GNB4: variants seen among roughly 807,000 people sequenced by gnomAD.
GNB4 encodes guanine nucleotide-binding protein subunit beta-4.
A neutral mutation model predicts 45.2 loss-of-function variants in GNB4; 28 were observed. That is an observed-to-expected ratio of 0.62 (90% CI 0.46 to 0.85). GNB4 has a LOEUF of 0.85. Ranked by LOEUF, GNB4 falls within the 40% of genes least tolerant of loss-of-function variation. The pLI is 0.00. For synonymous variants in GNB4, 132 were observed against 143.7 expected (o/e 0.92, Z 0.58); for missense variants, 321 against 425.4 (o/e 0.75, Z 2.16).
At chr3:179,426,395 T>C (rs1204049754) in intron 1 of GNB4, among the ~76,000 whole-genome samples, 153 bp from the exon 2 acceptor site, 9 of 152,086 alleles carry the variant, frequency 5.9e-5, no homozygotes, top group African/African-American at 1.2e-4. Flanking sequence ...TTAGTAAATA[T>C]AGAATGAGGT....
intron 2 of GNB4, among the ~76,000 whole-genome samples, chr3:179,423,406 T>C (rs897845675): frequency 6.6e-6 from 1 of 152,196 alleles, no homozygotes; most frequent in Non-Finnish European, 1.5e-5. Flanking sequence ...CTCTATGTGT[T>C]ATTTCACTTA....
intron 4 of GNB4, among the ~76,000 whole-genome samples, chr3:179,418,479 AAAAAAAAAAG>A (rs1264137541): frequency 2.1e-5 from 3 of 142,066 alleles, no homozygotes; most frequent in Non-Finnish European, 4.8e-5. Context: ...TCAAAAAAAA[AAAAAAAAAAG>A]AAAAAAGAAA....
At chr3:179,457,905 T>C in the GNB4 span, among the ~76,000 whole-genome samples, 6 of 89,746 alleles carry the variant, frequency 6.7e-5, no homozygotes, top group African/African-American at 1.5e-4. Context: ...ATTTTAGTTC[T>C]TTTTTTTTTT....
chr3:179,404,819 T>C (rs1385222705), intron 9 of GNB4, among the ~76,000 whole-genome samples: 2 of 152,204 alleles, frequency 1.3e-5, no homozygotes, highest in South Asian at 4.1e-4. Context: ...GACAGGTCTA[T>C]GTCCTGTCCC....
chr3:179,483,879 CA>C, the GNB4 span, among the ~76,000 whole-genome samples: 1 of 152,068 alleles, frequency 6.6e-6, no homozygotes, highest in Admixed American at 6.6e-5. Flanking sequence ...TAATTAAAGT[CA>C]AAATATTTGA....
the GNB4 span, among the ~76,000 whole-genome samples, chr3:179,525,027 C>A: frequency 4.3e-4 from 65 of 151,920 alleles, no homozygotes; most frequent in African/African-American, 1.4e-3. Context: ...TCAGATGGGT[C>A]TGTAGAAAAG....
chr3:179,446,820 G>A (rs1030898628), intron 1 of GNB4, among the ~76,000 whole-genome samples: 1 of 152,156 alleles, frequency 6.6e-6, no homozygotes, highest in Non-Finnish European at 1.5e-5. Context: ...TCTGGAAACC[G>A]TCTTCTCCAT....
At chr3:179,518,281 A>G in the GNB4 span, among the ~76,000 whole-genome samples, 2 of 152,180 alleles carry the variant, frequency 1.3e-5, no homozygotes, top group East Asian at 3.9e-4. Context: ...CCATGCTACA[A>G]GATCTAAATA....
At chr3:179,465,331 C>T in the GNB4 span, 60 of 1,222,426 alleles carry the variant, frequency 4.9e-5, no homozygotes, top group South Asian at 1.7e-4. Context: ...TGGCCGGGCG[C>T]GGTGGCTCAC....
intron 1 of GNB4, among the ~76,000 whole-genome samples, chr3:179,431,853 C>T (rs1012473413): frequency 6.6e-6 from 1 of 152,112 alleles, no homozygotes; most frequent in Admixed American, 6.5e-5. Flanking sequence ...TTAATTTGTC[C>T]ACTGTGGAGT....
the GNB4 span, among the ~76,000 whole-genome samples, chr3:179,486,961 G>A: frequency 6.6e-6 from 1 of 152,118 alleles, no homozygotes; most frequent in Non-Finnish European, 1.5e-5. Flanking sequence ...AAAACATATT[G>A]GCATAAACCA....
At chr3:179,521,934 G>T in the GNB4 span, among the ~76,000 whole-genome samples, 2 of 151,936 alleles carry the variant, frequency 1.3e-5, no homozygotes, top group South Asian at 4.2e-4. Context: ...TCCTACTCTA[G>T]GTTCCCAAGC....
At chr3:179,477,889 A>G in the GNB4 span, among the ~76,000 whole-genome samples, 1 of 152,104 alleles carries the variant, frequency 6.6e-6, no homozygotes, top group Non-Finnish European at 1.5e-5. Flanking sequence ...TCTCTTCTAT[A>G]GTTTCAAGTA....
chr3:179,487,553 G>GATCATAAGACTGACAAAACAGTAGCA, the GNB4 span, among the ~76,000 whole-genome samples: 2 of 152,040 alleles, frequency 1.3e-5, no homozygotes, highest in Admixed American at 1.3e-4. Context: ...TTAAAATAGA[G>GATCATAAGACTGACAAAACAGTAGCA]ATCATAAGAC....
At chr3:179,489,495 G>T in the GNB4 span, among the ~76,000 whole-genome samples, 3 of 152,014 alleles carry the variant, frequency 2.0e-5, no homozygotes, top group Non-Finnish European at 4.4e-5. Context: ...TAAAAAATTA[G>T]CTGGGCATGG....
the GNB4 span, among the ~76,000 whole-genome samples, chr3:179,458,595 T>G: frequency 1.3e-5 from 2 of 152,240 alleles, no homozygotes; most frequent in Non-Finnish European, 2.9e-5. Flanking sequence ...AGGATGCTCA[T>G]GTACCTGATA....
the GNB4 span, chr3:179,464,784 C>A: frequency 1.5e-6 from 2 of 1,319,826 alleles, no homozygotes; most frequent in Non-Finnish European, 2.2e-6. Context: ...ATCTGCAATG[C>A]TGTTTCTCCA....
the GNB4 span, among the ~76,000 whole-genome samples, chr3:179,461,496 CA>C: frequency 0.46 from 61,133 of 134,234 alleles, 13,007 homozygotes; most frequent in East Asian, 0.71. Flanking sequence ...GACTCCGTCT[CA>C]AAAAAAAAAA....
chr3:179,444,922 T>C (rs1200992970), intron 1 of GNB4, among the ~76,000 whole-genome samples: 1 of 152,156 alleles, frequency 6.6e-6, no homozygotes, highest in Non-Finnish European at 1.5e-5. Flanking sequence ...AAGTAGTTAA[T>C]GACAAATTTT....
Sources: allele counts gnomAD v4.1 joint callset (sites outside exome capture counted in the v4.1 genomes callset), GRCh38; gene constraint gnomAD v4.1.1; transcripts MANE v1.5; gene names NCBI Gene and HGNC (gene_info 2026-07-23, HGNC 2026-07-21).